The following MB21D2 variants were observed in gnomAD, a reference collection of about 807,000 sequenced individuals.
MB21D2 encodes nucleotidyltransferase MB21D2.
Under a neutral mutation model 33.3 loss-of-function variants are expected in MB21D2, and 9 were observed. The observed-to-expected ratio is 0.27, with a 90% CI of 0.16 to 0.47. The LOEUF (loss-of-function observed/expected upper bound fraction) is 0.47, where lower values mean the gene tolerates loss of function less well. Among genes scored for constraint, MB21D2 ranks in the 20% least tolerant of loss-of-function variants. The pLI is 0.99. For missense variants in MB21D2, 540 were observed against 624.6 expected (o/e 0.86, Z 1.44); for synonymous variants, 241 against 236.3 (o/e 1.02, Z -0.18).
chr3:192,803,432 A>G (rs1407076961), intron 1 of MB21D2, among the ~76,000 whole-genome samples: 2 of 152,212 alleles, frequency 1.3e-5, no homozygotes, highest in Non-Finnish European at 2.9e-5. Flanking sequence ...CTAAGCCCCT[A>G]TAAGAAACAA....
At chr3:192,900,182 G>A in intron 1 of MB21D2, among the ~76,000 whole-genome samples, 1 of 151,528 alleles carries the variant, frequency 6.6e-6, no homozygotes, top group African/African-American at 2.4e-5. Context: ...TACTCAGGAG[G>A]CTGAAGCAGG....
rs754617416 is a variant in MB21D2 at position 192,799,442 on chromosome 3, G to A, written c.420C>T (p.His140=). The A allele has an allele frequency of 1.2e-6, 2 of 1,614,124 alleles. No homozygotes were observed. The highest frequency in any genetic ancestry group is 1.7e-6 in the Non-Finnish European group (2 of 1,180,050). ...RNQPVTLDMR[H]SALCHSWLSL... ...TCAGCCAAGAGTGGCACAAGGCTGA[G>A]TGGCGCATGTCGAGTGTCACAGGCT... is the stretch of plus-strand genomic sequence containing the variant. Residue 140 remains histidine (H), a synonymous_variant, in exon 2 of 2, where the codon CAC becomes CAT. Transcript: ENST00000392452. The surrounding 1 kb of genome is among the most constrained non-coding windows in gnomAD (Gnocchi z 4.1).
Position 192,798,241 on chromosome 3 carries a change from C to T in MB21D2, c.*145G>A. The T allele has an allele frequency of 1.2e-6, 1 of 822,282 alleles. No homozygotes were observed. The highest frequency in any genetic ancestry group is 2.6e-5 in the East Asian group (1 of 38,008). 50.9% of individuals were successfully genotyped at this position (822,282 alleles called of 1,614,324 possible). A position where few individuals can be genotyped will look rare whatever the true frequency, so the allele number is the denominator to read the frequency against. ...TAATATACTGTTTCAGAGCCTGCACCATCCTGCAGAACCAGGAAACTTAAA... is the reference window on the plus strand; with the variant it reads ...TAATATACTGTTTCAGAGCCTGCACTATCCTGCAGAACCAGGAAACTTAAA... On this transcript the variant is annotated 3_prime_UTR_variant, in exon 2 of 2. Transcript: ENST00000392452. This position sits in a 1 kb window ranked among gnomAD's most constrained non-coding sequence, Gnocchi z 4.8.
At chr3:192,899,621 C>CA (rs1338349032) in intron 1 of MB21D2, among the ~76,000 whole-genome samples, 1 of 152,180 alleles carries the variant, frequency 6.6e-6, no homozygotes, top group Non-Finnish European at 1.5e-5. Context: ...TGAAAGGATG[C>CA]AAGACTGGAA....
At chr3:192,866,570 G>A (rs1163837074) in intron 1 of MB21D2, among the ~76,000 whole-genome samples, 2 of 152,090 alleles carry the variant, frequency 1.3e-5, no homozygotes, top group South Asian at 2.1e-4. Context: ...ATACGTGCAC[G>A]TGTATGTAGA....
intron 1 of MB21D2, among the ~76,000 whole-genome samples, chr3:192,883,794 C>A (rs2108643832): frequency 6.6e-6 from 1 of 152,182 alleles, no homozygotes; most frequent in East Asian, 1.9e-4. Flanking sequence ...TAAATAGTTC[C>A]CTGATCTGAG....
chr3:192,873,009 A>C (rs1280312042), intron 1 of MB21D2, among the ~76,000 whole-genome samples: 10 of 141,992 alleles, frequency 7.0e-5, no homozygotes, highest in African/African-American at 2.1e-4. Flanking sequence ...TTTAGAAGAC[A>C]CCCCCCCCCA....
chr3:192,917,615 C>T lies in MB21D2; in HGVS notation c.211+15G>A, dbSNP rs774905310. 3.7e-6 allele frequency: 6 copies of T among 1,613,750 alleles called. No individual in the cohort carries two copies. Among genetic ancestry groups the T allele is most frequent in the East Asian group, 2.2e-5 (1 of 44,840 alleles). On this transcript the variant is annotated intron_variant, in intron 1 of 1. Transcript: ENST00000392452. The stretch of plus-strand genomic sequence containing the variant: ...CACACACACGCACACACACCTCCCC[C>T]TTTTTCCTCCTTACCCAGCATGGAA...
intron 1 of MB21D2, among the ~76,000 whole-genome samples, chr3:192,892,738 C>T (rs1456354237): frequency 6.6e-6 from 1 of 152,128 alleles, no homozygotes; most frequent in Non-Finnish European, 1.5e-5. Flanking sequence ...CCACCGCGCC[C>T]GGCCATAGTC....
chr3:192,860,038 G>A (rs984876830), intron 1 of MB21D2, among the ~76,000 whole-genome samples: 1 of 152,230 alleles, frequency 6.6e-6, no homozygotes, highest in Non-Finnish European at 1.5e-5. Context: ...ACTCTCAGGA[G>A]ACCACCCTGG....
intron 1 of MB21D2, among the ~76,000 whole-genome samples, chr3:192,835,538 G>A (rs1712419480): frequency 6.6e-6 from 1 of 150,712 alleles, no homozygotes; most frequent in African/African-American, 2.4e-5. Flanking sequence ...AAAATGCTAG[G>A]CCCTGATTCC....
In MB21D2 at chr3:192,798,957, A is replaced by G. The variant is rs1217637944; in HGVS notation, c.905T>C (p.Ile302Thr). 2 of 1,613,714 alleles carry G rather than the reference A, an allele frequency of 1.2e-6. No homozygotes were observed. Among genetic ancestry groups the G allele is most frequent in the African/African-American group, 1.3e-5 (1 of 74,818 alleles). ...ATAGGCCTGCATGAGGCTGCTGGAGATGCACTTCTTCAACTGCACCTCGCT... is the reference window on the plus strand; with the variant it reads ...ATAGGCCTGCATGAGGCTGCTGGAGGTGCACTTCTTCAACTGCACCTCGCT... ...ARSEVQLKKC[I>T]SSSLMQAYQA... Residue 302 changes from isoleucine (I) to threonine (T), a missense_variant, in exon 2 of 2, where the codon ATC becomes ACC. By Grantham distance (89) the Ile-to-Thr change is moderately conservative. Transcript: ENST00000392452. The surrounding 1 kb of genome is among the most constrained non-coding windows in gnomAD (Gnocchi z 4.8).
intron 1 of MB21D2, among the ~76,000 whole-genome samples, chr3:192,804,693 C>G (rs537253621): frequency 1.6e-4 from 25 of 152,182 alleles, no homozygotes; most frequent in African/African-American, 5.8e-4. Flanking sequence ...GTTTTAATGG[C>G]AGGAAGGGTA....
intron 1 of MB21D2, among the ~76,000 whole-genome samples, chr3:192,872,371 T>G (rs1713324293): frequency 6.6e-6 from 1 of 151,948 alleles, no homozygotes; most frequent in East Asian, 1.9e-4. Context: ...GGTCAGGAGA[T>G]CGAGACCATC....
At chr3:192,913,131 G>C (rs1226725416) in intron 1 of MB21D2, among the ~76,000 whole-genome samples, 3 of 152,180 alleles carry the variant, frequency 2.0e-5, no homozygotes, top group Non-Finnish European at 4.4e-5. Context: ...TTCTAAGAAA[G>C]TATATTTTTA....
chr3:192,902,171 C>T (rs914257466), intron 1 of MB21D2, among the ~76,000 whole-genome samples: 2 of 152,174 alleles, frequency 1.3e-5, no homozygotes, highest in African/African-American at 4.8e-5. Context: ...GGAATCAGAA[C>T]CGTAAATTAG....
At chr3:192,893,089 A>G (rs1713886313) in intron 1 of MB21D2, among the ~76,000 whole-genome samples, 1 of 152,170 alleles carries the variant, frequency 6.6e-6, no homozygotes, top group African/African-American at 2.4e-5. Flanking sequence ...CATTCAGCCC[A>G]GCCAGCTGCC....
intron 1 of MB21D2, among the ~76,000 whole-genome samples, chr3:192,809,155 G>A (rs1711731561): frequency 6.6e-6 from 1 of 152,082 alleles, no homozygotes; most frequent in South Asian, 2.1e-4. Flanking sequence ...GAGTGCAGTG[G>A]CACAATCTTG....
chr3:192,840,776 G>A (rs1312855998), intron 1 of MB21D2, among the ~76,000 whole-genome samples: 2 of 152,144 alleles, frequency 1.3e-5, no homozygotes, highest in Non-Finnish European at 2.9e-5. Flanking sequence ...ATGAAGACCA[G>A]GAAGATGAGG....
Sources: allele counts gnomAD v4.1 joint callset (sites outside exome capture counted in the v4.1 genomes callset), GRCh38; gene constraint gnomAD v4.1.1; non-coding constraint Gnocchi (gnomAD v3.1); transcripts MANE v1.5; gene names NCBI Gene and HGNC (gene_info 2026-07-23, HGNC 2026-07-21).